Variants in ENPP2 observed in about 807,000 individuals in gnomAD.
The protein encoded by ENPP2 is ectonucleotide pyrophosphatase/phosphodiesterase 2, also known as autotaxin.
A neutral mutation model predicts 120.2 loss-of-function variants in ENPP2; 51 were observed. The ratio of observed to expected loss-of-function variants is 0.42; its 90% CI spans 0.34 to 0.54. The LOEUF is 0.54. Among genes scored for constraint, ENPP2 ranks in the 20% least tolerant of loss-of-function variants. The pLI, the probability that ENPP2 is intolerant of heterozygous loss-of-function variation, is 0.04. For missense variants in ENPP2, 920 were observed against 1,066.5 expected, an observed-to-expected ratio of 0.86 and a Z score of 1.91; for synonymous variants, 365 against 366.4, an observed-to-expected ratio of 1.00 and a Z score of 0.04.
intron 1 of ENPP2, among the ~76,000 whole-genome samples, chr8:119,647,522 A>G (rs1393628277): frequency 6.6e-6 from 1 of 152,206 alleles, no homozygotes; most frequent in African/African-American, 2.4e-5. Flanking sequence ...CTTGTAAAGG[A>G]GAGTTAGCAG....
chr8:119,594,040 T>C (rs1343407703), intron 11 of ENPP2, among the ~76,000 whole-genome samples, 180 bp from the exon 12 acceptor site: 2 of 152,256 alleles, frequency 1.3e-5, no homozygotes, highest in East Asian at 3.8e-4. Context: ...GTTATATTTG[T>C]ATTCTTTTGA....
chr8:119,609,003 A>T (rs950915453), intron 8 of ENPP2, among the ~76,000 whole-genome samples: 3 of 152,212 alleles, frequency 2.0e-5, no homozygotes, highest in Non-Finnish European at 4.4e-5. Context: ...ATGGAAGCAA[A>T]TACGAGAGAG....
chr8:119,654,257 T>C (rs1817705922), intron 1 of ENPP2, among the ~76,000 whole-genome samples: 2 of 102,542 alleles, frequency 2.0e-5, no homozygotes, highest in Non-Finnish European at 3.8e-5. Flanking sequence ...TATCTATATC[T>C]ATATTATATT....
chr8:119,572,267 CA>C, intron 19 of ENPP2: 1 of 1,536,626 alleles, frequency 6.5e-7, no homozygotes, highest in Non-Finnish European at 8.8e-7. Flanking sequence ...GCAGAAGTAT[CA>C]AAATTCTTTG....
At chr8:119,564,397 G>T (rs888145453) in intron 23 of ENPP2, among the ~76,000 whole-genome samples, 1 of 152,056 alleles carries the variant, frequency 6.6e-6, no homozygotes, top group Non-Finnish European at 1.5e-5. Context: ...ATAAATTCAG[G>T]CTGGGCACAG....
intron 18 of ENPP2, 37 bp downstream of exon 18, chr8:119,582,381 C>A (rs753701446): frequency 1.9e-6 from 3 of 1,562,014 alleles, no homozygotes; most frequent in Admixed American, 1.7e-5. Flanking sequence ...AGCCACCCAA[C>A]AAACTTCTCC....
upstream of ENPP2, among the ~76,000 whole-genome samples, chr8:119,643,577 G>A (rs546565574): frequency 2.6e-5 from 4 of 152,222 alleles, no homozygotes; most frequent in East Asian, 1.9e-4. Context: ...CATGAGCCCC[G>A]ACACCAGAAT....
At chr8:119,652,372 T>A (rs1396585624) in intron 1 of ENPP2, among the ~76,000 whole-genome samples, 3 of 152,182 alleles carry the variant, frequency 2.0e-5, no homozygotes, top group African/African-American at 7.2e-5. Flanking sequence ...TAGCAGGAAG[T>A]CAGCAGTTTG....
At chr8:119,587,692 T>C (rs905335216) in intron 13 of ENPP2, among the ~76,000 whole-genome samples, 1 of 152,234 alleles carries the variant, frequency 6.6e-6, no homozygotes, top group Admixed American at 6.5e-5. Flanking sequence ...CTGAACTAGC[T>C]AAAAGCAAAA....
intron 1 of ENPP2, among the ~76,000 whole-genome samples, chr8:119,649,020 T>C (rs184628590): frequency 1.1e-4 from 17 of 152,296 alleles, no homozygotes; most frequent in African/African-American, 4.1e-4. Flanking sequence ...TTCATGAATG[T>C]TGCTTGATAT....
intron 14 of ENPP2, 61 bp from the exon 15 acceptor site, chr8:119,586,374 TTC>T (rs1813113227): frequency 2.0e-6 from 3 of 1,533,402 alleles, no homozygotes; most frequent in Admixed American, 1.7e-5. Flanking sequence ...TTCTTACAAA[TTC>T]TCTCTCTAGA....
intron 8 of ENPP2, among the ~76,000 whole-genome samples, chr8:119,609,810 A>AGGCAATACTT (rs1814970693): frequency 6.6e-6 from 1 of 152,248 alleles, no homozygotes. Flanking sequence ...AGATTGTACT[A>AGGCAATACTT]GGCAATACTT....
intron 12 of ENPP2, among the ~76,000 whole-genome samples, chr8:119,592,098 G>C (rs1362715329): frequency 6.6e-6 from 1 of 152,154 alleles, no homozygotes; most frequent in African/African-American, 2.4e-5. Flanking sequence ...TGCCACAAAA[G>C]GTGTATAGTG....
chr8:119,586,040 G>T, intron 15 of ENPP2, 146 bp downstream of exon 15: 2 of 853,192 alleles, frequency 2.3e-6, no homozygotes, highest in South Asian at 1.7e-5. Flanking sequence ...AGCACTGATG[G>T]TTTATGTAGC....
chr8:119,666,506 C>T (rs927798523), intron 1 of ENPP2, among the ~76,000 whole-genome samples: 3 of 152,114 alleles, frequency 2.0e-5, no homozygotes, highest in African/African-American at 4.8e-5. Context: ...AAAGGCTGGG[C>T]GTGATGGCTC....
chr8:119,580,034 A>C, intron 19 of ENPP2, 82 bp downstream of exon 19: 1 of 900,582 alleles, frequency 1.1e-6, no homozygotes, highest in Non-Finnish European at 1.9e-6. Flanking sequence ...TATTGTGCTT[A>C]CACTATAATG....
chr8:119,593,094 G>T, intron 12 of ENPP2: 1 of 191,060 alleles, frequency 5.2e-6, no homozygotes, highest in Non-Finnish European at 9.6e-6. Flanking sequence ...CCCCTGCACA[G>T]CTCTACAGTC....
intron 8 of ENPP2, among the ~76,000 whole-genome samples, chr8:119,609,115 G>A (rs1814921361): frequency 6.6e-6 from 1 of 152,226 alleles, no homozygotes; most frequent in African/African-American, 2.4e-5. Flanking sequence ...TCCTTAAAGA[G>A]TGACAACTTA....
At chr8:119,596,989 C>T (rs934029697) in intron 11 of ENPP2, among the ~76,000 whole-genome samples, 3 of 148,216 alleles carry the variant, frequency 2.0e-5, no homozygotes, top group South Asian at 2.2e-4. Context: ...TGACTTCTCT[C>T]GGAGGGTGGG....
Sources: allele counts gnomAD v4.1 joint callset (sites outside exome capture counted in the v4.1 genomes callset), GRCh38; gene constraint gnomAD v4.1.1; transcripts MANE v1.5; gene names NCBI Gene and HGNC (gene_info 2026-07-23, HGNC 2026-07-21).